The following GRK3 variants were observed in gnomAD, a reference collection of about 807,000 sequenced individuals.
The protein encoded by GRK3 is adrenergic, beta, receptor kinase 2.
A neutral mutation model predicts 95.7 loss-of-function variants in GRK3; 54 were observed. The ratio of observed to expected loss-of-function variants is 0.56; its 90% CI spans 0.45 to 0.71. The LOEUF is 0.71. GRK3 is among the 30% of genes least tolerant of loss of function. GRK3 has a pLI of 0.00. For missense variants in GRK3, 649 were observed against 851.2 expected (o/e 0.76, Z 2.96); for synonymous variants, 281 against 290.8 (o/e 0.97, Z 0.34).
rs1210654502 is a variant in GRK3 at position 25,728,021 on chromosome 22, G to A, written c.*5571G>A. 2.6e-5 allele frequency: 4 copies of A among 152,010 alleles called. No homozygotes were observed. Among genetic ancestry groups the A allele is most frequent in the Admixed American group, 2.6e-4 (4 of 15,260 alleles). The allele number at this position is 152,010 out of a possible 1,614,324, so 9.4% of individuals were successfully genotyped here. A position where few individuals can be genotyped will look rare whatever the true frequency, so the allele number is the denominator to read the frequency against. ...ACAAGAGTTCTATTTTAGCACAAAG[G>A]CATTTTATATTATTTATTGAATCCA... is the stretch of plus-strand genomic sequence containing the variant. On this transcript the variant is annotated 3_prime_UTR_variant, in exon 21 of 21. Transcript: ENST00000324198.
chr22:25,684,726 G>A (rs2085099745), intron 9 of GRK3, among the ~76,000 whole-genome samples: 1 of 152,168 alleles, frequency 6.6e-6, no homozygotes, highest in Non-Finnish European at 1.5e-5. Context: ...TTGAATCCAA[G>A]CAAGAAAGGA....
rs77818143 is a variant in GRK3, at chr22:25,604,248, G to T, written c.114-129G>T. On this transcript the variant is annotated intron_variant, in intron 1 of 20. Transcript: ENST00000324198. ...GCTTTTAGGCTGGTCTGCATTTCAC[G>T]CAGTTGTGGCAAGAAGGGTCTCTTG... is the stretch of plus-strand genomic sequence containing the variant. 2,888 of 588,450 alleles carry T rather than the reference G, an allele frequency of 4.9e-3. 66 individuals carry two copies. Among genetic ancestry groups the T allele is most frequent in the African/African-American group, 0.048 (2,513 of 52,244 alleles). The allele number at this position is 588,450 out of a possible 1,614,324, so 36.5% of individuals were successfully genotyped here.
chr22:25,597,475 G>T (rs2084379864), intron 1 of GRK3, among the ~76,000 whole-genome samples: 1 of 152,126 alleles, frequency 6.6e-6, no homozygotes, highest in Non-Finnish European at 1.5e-5. Flanking sequence ...AATGACAAAT[G>T]TTTGAGATAA....
rs992776616 is a variant in GRK3, at chr22:25,713,099, C to T, written c.1492-1309C>T. Among the ~76,000 whole-genome samples the T allele has an allele frequency of 3.7e-4, 56 of 152,292 alleles. No homozygotes were observed. In the Middle Eastern group the frequency reaches 0.014, roughly 37 times the overall value. On this transcript the variant is annotated intron_variant, in intron 17 of 20. Coordinates refer to ENST00000324198, the MANE Select transcript of GRK3 (RefSeq NM_005160.4). ...GATCAAGTCTTTCTGAAATTATAGGCGGTAGAACAGTGTCTATTAAACAGA... is the reference window on the plus strand; with the variant it reads ...GATCAAGTCTTTCTGAAATTATAGGTGGTAGAACAGTGTCTATTAAACAGA...
rs1242796804 is a variant in GRK3 at position 25,695,101 on chromosome 22, C to T, written c.1053-6C>T. 1 of 1,610,340 alleles carries T rather than the reference C, an allele frequency of 6.2e-7. No homozygotes were observed. Among genetic ancestry groups the T allele is most frequent in the African/African-American group, 1.3e-5 (1 of 74,816 alleles). Reference sequence around the variant, plus strand: ...CTGATAACTGTGTATACTTTCTTCTCCCTAGTGGCACCCATGGGTACATGG... The same window carrying T: ...CTGATAACTGTGTATACTTTCTTCTTCCTAGTGGCACCCATGGGTACATGG... On this transcript the variant is annotated splice_polypyrimidine_tract_variant and splice_region_variant and intron_variant, in intron 12 of 20. Transcript: ENST00000324198.
At chr22:25,719,719 T>G in intron 19 of GRK3, among the ~76,000 whole-genome samples, 1 of 146,806 alleles carries the variant, frequency 6.8e-6, no homozygotes, top group African/African-American at 2.5e-5. Context: ...GCCTGGTGAG[T>G]CATCGTAAGC....
intron 1 of GRK3, among the ~76,000 whole-genome samples, chr22:25,593,580 A>G (rs943292753): frequency 1.7e-4 from 26 of 152,250 alleles, no homozygotes; most frequent in African/African-American, 5.8e-4. Context: ...AGTTCCTTAT[A>G]GAATCTGGAT....
intron 3 of GRK3, chr22:25,649,266 T>TTGGCAGATGTGA: frequency 1.0e-6 from 1 of 1,000,778 alleles, no homozygotes; most frequent in African/African-American, 1.6e-5. Context: ...TGCTCACATC[T>TTGGCAGATGTGA]GCCAAAATGT....
At chr22:25,709,836 G>A in intron 15 of GRK3, 62 bp from the exon 16 acceptor site, 1 of 1,271,874 alleles carries the variant, frequency 7.9e-7, no homozygotes, top group Non-Finnish European at 1.1e-6. Flanking sequence ...AGACAGTTTT[G>A]CACAATATTT....
intron 3 of GRK3, among the ~76,000 whole-genome samples, chr22:25,654,499 T>C (rs915673973): frequency 2.0e-5 from 3 of 152,252 alleles, no homozygotes; most frequent in Non-Finnish European, 4.4e-5. Context: ...TTTACCATAA[T>C]GTAAAAACGT....
chr22:25,601,861 AC>A (rs1298526786), intron 1 of GRK3, among the ~76,000 whole-genome samples: 1 of 152,256 alleles, frequency 6.6e-6, no homozygotes, highest in African/African-American at 2.4e-5. Flanking sequence ...ATTTGTGTTT[AC>A]ACAAAAGCGA....
Position 25,723,535 on chromosome 22 carries a change from G to A in GRK3, c.*1085G>A, listed in dbSNP as rs192895000. 82 of 152,300 alleles carry A rather than the reference G, an allele frequency of 5.4e-4. No individual in the cohort carries two copies. The highest frequency in any genetic ancestry group is 1.9e-3 in the African/African-American group (79 of 41,548). The allele number at this position is 152,300 out of a possible 1,614,324, so 9.4% of individuals were successfully genotyped here. A position where few individuals can be genotyped will look rare whatever the true frequency, so the allele number is the denominator to read the frequency against. On this transcript the variant is annotated 3_prime_UTR_variant, in exon 21 of 21. Transcript: ENST00000324198. ...TTGCACTGGGCTGTACGACAGTGAGGACCTTAGGGCATGAAGCCTTTTTCC... is the reference window on the plus strand; with the variant it reads ...TTGCACTGGGCTGTACGACAGTGAGAACCTTAGGGCATGAAGCCTTTTTCC...
intron 2 of GRK3, among the ~76,000 whole-genome samples, chr22:25,643,853 T>C (rs2084760702): frequency 6.6e-6 from 1 of 152,240 alleles, no homozygotes; most frequent in African/African-American, 2.4e-5. Flanking sequence ...TACCAGGCAT[T>C]GTGCAATAGG....
At chr22:25,649,502 G>T (rs1030054236) in intron 3 of GRK3, among the ~76,000 whole-genome samples, 4 of 152,176 alleles carry the variant, frequency 2.6e-5, no homozygotes, top group African/African-American at 9.7e-5. Context: ...GCATGGTAAT[G>T]AAGGACAGTG....
chr22:25,661,766 A>C, intron 4 of GRK3, 89 bp downstream of exon 4: 1 of 817,252 alleles, frequency 1.2e-6, no homozygotes, highest in Middle Eastern at 3.3e-4. Flanking sequence ...AACAGTAGAA[A>C]GGTGTTTAAA....
rs958362230 is a variant in GRK3 at position 25,723,547 on chromosome 22, T to G, written c.*1097T>G. On this transcript the variant is annotated 3_prime_UTR_variant, in exon 21 of 21. Transcript: ENST00000324198. ...GTACGACAGTGAGGACCTTAGGGCA[T>G]GAAGCCTTTTTCCTGGTCCCAGCAG... is the stretch of plus-strand genomic sequence containing the variant. 6.6e-6 allele frequency: 1 copy of G among 152,212 alleles called. No individual in the cohort carries two copies. Among genetic ancestry groups the G allele is most frequent in the African/African-American group, 2.4e-5 (1 of 41,456 alleles). 9.4% of individuals were successfully genotyped at this position (152,212 alleles called of 1,614,324 possible).
chr22:25,598,289 G>A (rs75625626), intron 1 of GRK3, among the ~76,000 whole-genome samples: 1,951 of 152,214 alleles, frequency 0.013, 27 homozygotes, highest in Middle Eastern at 0.065. Flanking sequence ...TAATCTAGGA[G>A]GGGAGATAAA....
chr22:25,694,171 C>T (rs1376209531), intron 12 of GRK3, among the ~76,000 whole-genome samples: 3 of 152,162 alleles, frequency 2.0e-5, no homozygotes, highest in Non-Finnish European at 2.9e-5. Context: ...GGCCCCATGA[C>T]GTTTGTGCAG....
chr22:25,614,880 T>C (rs971776261), intron 2 of GRK3, among the ~76,000 whole-genome samples: 1 of 152,202 alleles, frequency 6.6e-6, no homozygotes, highest in Non-Finnish European at 1.5e-5. Flanking sequence ...AATGTCTCTT[T>C]AAACAAAAAG....
Sources: gnomAD v4.1 joint callset for allele counts (sites outside exome capture counted in the v4.1 genomes callset) on GRCh38, gnomAD v4.1.1 for gene constraint, MANE v1.5 for transcripts, NCBI Gene and HGNC (gene_info 2026-07-23, HGNC 2026-07-21) for gene names.